SNX9: variants seen among roughly 807,000 people sequenced by gnomAD.
The protein encoded by SNX9 is sorting nexin-9.
SNX9 carries 44 observed loss-of-function variants against 89.4 expected under a neutral mutation model. The ratio of observed to expected loss-of-function variants is 0.49; its 90% confidence interval spans 0.39 to 0.63. SNX9 has a LOEUF of 0.63. SNX9 is among the 30% of genes least tolerant of loss of function. The pLI, the probability that SNX9 is intolerant of heterozygous loss-of-function variation, is 0.00. For missense variants in SNX9, 578 were observed against 736.1 expected (o/e 0.79, Z 2.49); for synonymous variants, 236 against 247.8 (o/e 0.95, Z 0.45).
At chr6:157,919,862 T>C (rs1395097166) in intron 9 of SNX9, among the ~76,000 whole-genome samples, 2 of 152,144 alleles carry the variant, frequency 1.3e-5, no homozygotes, top group Non-Finnish European at 2.9e-5. Flanking sequence ...AGTTTACCTC[T>C]CTGAAGGTTG....
chr6:157,919,731 C>G (rs990599233), intron 9 of SNX9, among the ~76,000 whole-genome samples: 1 of 152,050 alleles, frequency 6.6e-6, no homozygotes, highest in Non-Finnish European at 1.5e-5. Context: ...GAGATAGTGT[C>G]TATTGACTGT....
chr6:157,865,071 G>A (rs1782230018), intron 1 of SNX9, among the ~76,000 whole-genome samples: 2 of 152,100 alleles, frequency 1.3e-5, no homozygotes, highest in Admixed American at 1.3e-4. Flanking sequence ...CAGGCATGGT[G>A]GCTCACGCCT....
chr6:157,902,016 T>C lies in SNX9; in HGVS notation c.591T>C (p.Ser197=). The C allele has an allele frequency of 3.7e-6, 6 of 1,613,550 alleles. No homozygotes were observed. Among genetic ancestry groups the C allele is most frequent in the South Asian group, 1.1e-5 (1 of 90,902 alleles). Residue 197 remains serine (S), a synonymous_variant, in exon 6 of 18, where the codon AGT becomes AGC. Coordinates refer to ENST00000392185, the MANE Select transcript of SNX9 (RefSeq NM_016224.5). ...GGAQRGNSRA[S]SSSMKIPLNK... ...CTCAGCGAGGAAACAGTCGTGCTAG[T>C]TCCTCATCCATGAAAATTCCCCTTA...
chr6:157,825,670 C>T (rs1480643508), intron 1 of SNX9, among the ~76,000 whole-genome samples: 1 of 152,170 alleles, frequency 6.6e-6, no homozygotes, highest in African/African-American at 2.4e-5. Context: ...AAACCATTTC[C>T]ATTTTAAGAA....
At chr6:157,896,254 C>T (rs774107181) in intron 4 of SNX9, among the ~76,000 whole-genome samples, 9 of 152,136 alleles carry the variant, frequency 5.9e-5, no homozygotes, top group Non-Finnish European at 1.0e-4. Flanking sequence ...ATTGCATATA[C>T]TTTTATTGTT....
At chr6:157,942,032 G>C (rs117692239) in intron 17 of SNX9, among the ~76,000 whole-genome samples, 1,971 of 152,284 alleles carry the variant, frequency 0.013, 17 homozygotes, top group Non-Finnish European at 0.017. Context: ...TGATAGTGTT[G>C]ATTTATTGAT....
intron 1 of SNX9, among the ~76,000 whole-genome samples, chr6:157,847,755 A>G (rs1781832619): frequency 1.3e-5 from 2 of 152,158 alleles, no homozygotes; most frequent in African/African-American, 4.8e-5. Context: ...CATATTTTTC[A>G]GTATATTTTA....
chr6:157,867,103 A>G (rs530595395), intron 1 of SNX9, among the ~76,000 whole-genome samples: 1 of 152,128 alleles, frequency 6.6e-6, no homozygotes, highest in Non-Finnish European at 1.5e-5. Context: ...TGCTGGCTAC[A>G]ATGCCCAGCT....
chr6:157,859,482 A>C (rs752515065), intron 1 of SNX9, among the ~76,000 whole-genome samples: 7 of 152,182 alleles, frequency 4.6e-5, no homozygotes, highest in Non-Finnish European at 1.0e-4. Context: ...TTATTTAATC[A>C]GTTGCCTGTT....
intron 10 of SNX9, among the ~76,000 whole-genome samples, chr6:157,924,147 A>G (rs1783640865): frequency 6.6e-6 from 1 of 152,144 alleles, no homozygotes; most frequent in Non-Finnish European, 1.5e-5. Flanking sequence ...CAGTGAGCCA[A>G]GATCATGCCA....
intron 11 of SNX9, among the ~76,000 whole-genome samples, chr6:157,928,158 T>G (rs1226308670): frequency 2.0e-5 from 3 of 152,218 alleles, no homozygotes; most frequent in African/African-American, 7.2e-5. Context: ...TTTGACATCC[T>G]TAGAAAGAAC....
intron 1 of SNX9, among the ~76,000 whole-genome samples, chr6:157,842,464 A>T (rs1274150672): frequency 6.6e-6 from 1 of 152,058 alleles, no homozygotes. Context: ...AGACAGGGGG[A>T]TTGCAATGGA....
intron 5 of SNX9, among the ~76,000 whole-genome samples, chr6:157,899,381 G>A (rs1783046847): frequency 6.6e-6 from 1 of 152,084 alleles, no homozygotes. Context: ...AAATGTATAA[G>A]ACTAGATTTA....
chr6:157,919,505 A>T (rs1195893951), intron 9 of SNX9, among the ~76,000 whole-genome samples: 4 of 151,854 alleles, frequency 2.6e-5, no homozygotes, highest in African/African-American at 9.7e-5. Flanking sequence ...TCTGCAGTGA[A>T]TTTTTTATTT....
In SNX9 at chr6:157,919,168, A is replaced by G. The variant is rs371297245; in HGVS notation, c.950-2363A>G. Reference sequence around the variant, plus strand: ...TCTGTTATCAGTGAATTATCTCATTATTTATCTGGGTATGTCTTTATTTTT... The same window carrying G: ...TCTGTTATCAGTGAATTATCTCATTGTTTATCTGGGTATGTCTTTATTTTT... On this transcript the variant is annotated intron_variant, in intron 9 of 17. Coordinates refer to ENST00000392185, the MANE Select transcript of SNX9 (RefSeq NM_016224.5). 3.3e-5 allele frequency among the ~76,000 whole-genome samples: 5 copies of G among 152,210 alleles called. No individual in the cohort carries two copies. The East Asian group carries it at 5.8e-4, about 18-fold the overall frequency.
intron 9 of SNX9, among the ~76,000 whole-genome samples, chr6:157,912,603 C>A (rs997013925): frequency 1.3e-5 from 2 of 152,070 alleles, no homozygotes; most frequent in African/African-American, 2.4e-5. Context: ...GCCTGGGATG[C>A]CCACAGATCA....
chr6:157,863,557 T>TA (rs1782190863), intron 1 of SNX9, among the ~76,000 whole-genome samples: 1 of 152,218 alleles, frequency 6.6e-6, no homozygotes, highest in Non-Finnish European at 1.5e-5. Flanking sequence ...ATTTAGCTCT[T>TA]AGAAATAGTT....
intron 4 of SNX9, among the ~76,000 whole-genome samples, chr6:157,878,977 ATTC>A (rs1333649872): frequency 6.6e-6 from 1 of 152,212 alleles, no homozygotes. Context: ...TCATTTTAAG[ATTC>A]TTCTATCAAA....
chr6:157,889,768 G>A (rs1782817799), intron 4 of SNX9, among the ~76,000 whole-genome samples: 1 of 152,198 alleles, frequency 6.6e-6, no homozygotes, highest in Non-Finnish European at 1.5e-5. Context: ...GTCTTTTCCT[G>A]CATAGCATAA....
Sources: allele counts gnomAD v4.1 joint callset (sites outside exome capture counted in the v4.1 genomes callset), GRCh38; gene constraint gnomAD v4.1.1; transcripts MANE v1.5; gene names NCBI Gene and HGNC (gene_info 2026-07-23, HGNC 2026-07-21).